IFT172: variants seen among roughly 807,000 people sequenced by gnomAD.
IFT172 encodes the protein intraflagellar transport protein 172 homolog.
In IFT172, 164 loss-of-function variants were observed where a neutral mutation model predicts 248.9. That is an observed-to-expected ratio of 0.66 (90% CI 0.58 to 0.75). IFT172 has a LOEUF of 0.75. Ranked by LOEUF, IFT172 falls within the 30% of genes least tolerant of loss-of-function variation. The pLI, the probability that IFT172 is intolerant of heterozygous loss-of-function variation, is 0.00. For synonymous variants in IFT172, 729 were observed against 791.6 expected, an observed-to-expected ratio of 0.92 and a Z score of 1.33; for missense variants, 1,950 against 2,192.4, an observed-to-expected ratio of 0.89 and a Z score of 2.21.
rs908434245 is a variant in IFT172, at chr2:27,477,262, G to A, written c.1280C>T (p.Thr427Ile). 6.2e-7 allele frequency: 1 copy of A among 1,614,172 alleles called. No individual in the cohort carries two copies. The highest frequency in any genetic ancestry group is 1.1e-5 in the South Asian group (1 of 91,086). ...LTLVEYGNNDTLGSVRTEFMN... is the reference protein window; with the variant it reads ...LTLVEYGNNDILGSVRTEFMN... Reference sequence around the variant, plus strand: ...GAATTCAGTGCGTACAGAACCCAGGGTGTCATTATTCCCATATTCCACCAG... The same window carrying A: ...GAATTCAGTGCGTACAGAACCCAGGATGTCATTATTCCCATATTCCACCAG... The change falls in exon 13 of 48, where the codon ACC becomes ATC. Residue 427 changes from threonine to isoleucine, a missense_variant. Thr to Ile is a moderately conservative substitution (Grantham distance 89, BLOSUM62 -1). Around this residue, in one of 3 missense-constraint regions of IFT172, gnomAD observed 1,166 missense variants for 1,254.1 expected, o/e 0.93. Transcript: ENST00000260570.
rs151097967 is a variant in IFT172 at position 27,485,397 on chromosome 2, C to T, written c.146G>A (p.Arg49Gln). 228 of 1,613,992 alleles carry T rather than the reference C, an allele frequency of 1.4e-4. No individual in the cohort carries two copies. Among genetic ancestry groups the T allele is most frequent in the Non-Finnish European group, 1.7e-4 (203 of 1,180,050 alleles). ...TGGTTTGGTGGAGAATTTATCTCTCCGTTCTCCATGTTCATCATACAGCAA... is the reference window on the plus strand; with the variant it reads ...TGGTTTGGTGGAGAATTTATCTCTCTGTTCTCCATGTTCATCATACAGCAA... ...VVLLYDEHGERRDKFSTKPAD... is the reference protein window; with the variant it reads ...VVLLYDEHGEQRDKFSTKPAD... The change falls in exon 2 of 48, where the codon CGG becomes CAG. Residue 49 changes from arginine (R) to glutamine (Q), a missense_variant. Physicochemically the swap from Arg to Gln is conservative, Grantham distance 43 (BLOSUM62 1). Coordinates refer to ENST00000260570, the MANE Select transcript of IFT172 (RefSeq NM_015662.3).
chr2:27,455,491 A>C (rs1380657660), intron 30 of IFT172: 1 of 197,836 alleles, frequency 5.1e-6, no homozygotes, highest in East Asian at 1.8e-4. Flanking sequence ...GGTGGATCAC[A>C]AGGTCAGAAG....
chr2:27,484,362 C>A, intron 3 of IFT172, 96 bp from the exon 4 acceptor site: 1 of 1,293,302 alleles, frequency 7.7e-7, no homozygotes, highest in Non-Finnish European at 1.1e-6. Context: ...GAGGCCGAGG[C>A]GGGAGGATCA....
intron 43 of IFT172, 88 bp downstream of exon 43, chr2:27,446,172 G>C (rs1665077322): frequency 7.1e-7 from 1 of 1,403,896 alleles, no homozygotes. Flanking sequence ...CCTACACTCA[G>C]CTTTCCTCTA....
At chr2:27,465,250 A>C (rs1453469951) in intron 18 of IFT172, 161 bp downstream of exon 18, 1 of 635,244 alleles carries the variant, frequency 1.6e-6, no homozygotes, top group African/African-American at 1.8e-5. Flanking sequence ...AGGATGGGAG[A>C]GTGTTTGGAA....
At chr2:27,475,792 A>G (rs371115186) in intron 14 of IFT172, among the ~76,000 whole-genome samples, 1 of 149,560 alleles carries the variant, frequency 6.7e-6, no homozygotes, top group East Asian at 1.9e-4. Context: ...TTTTTTTTAA[A>G]TTTAATTAAT....
intron 8 of IFT172, 41 bp from the exon 9 acceptor site, chr2:27,480,190 A>G (rs771433032): frequency 1.1e-5 from 18 of 1,587,264 alleles, no homozygotes; most frequent in Non-Finnish European, 1.5e-5. Context: ...ATTGAGGCTG[A>G]GCTAAAGAGT....
At chr2:27,453,222 A>G (rs781573930) in intron 35 of IFT172, 162 bp downstream of exon 35, 1 of 959,524 alleles carries the variant, frequency 1.0e-6, no homozygotes, top group Non-Finnish European at 1.7e-6. Flanking sequence ...TATAGCCTTC[A>G]GAGGTTCTGG....
intron 14 of IFT172, among the ~76,000 whole-genome samples, chr2:27,475,016 C>T (rs1345077968): frequency 1.3e-5 from 2 of 152,242 alleles, no homozygotes; most frequent in East Asian, 3.9e-4. Flanking sequence ...ATGCAAAGAA[C>T]TCCTTCAAAT....
rs1668676417 is a variant in IFT172 at position 27,485,278 on chromosome 2, T to C, written c.183+82A>G. 3.1e-6 allele frequency: 5 copies of C among 1,595,562 alleles called. No individual in the cohort carries two copies. In the African/African-American group the frequency reaches 4.0e-5, roughly 13 times the overall value. ...TGGGGTATGCCATTTCCTATGCTGA[T>C]GGCTAGAAGGCAGACTACGTCTTTC... is the stretch of plus-strand genomic sequence containing the variant. On this transcript the variant is annotated intron_variant, in intron 2 of 47. Transcript: ENST00000260570.
Position 27,454,715 on chromosome 2 carries a change from G to C in IFT172, c.3372-55C>G. ...TTGCTTCATGCTTCCCTTCATAAAA[G>C]GAACAAGACAAAACAGAGAAAGGAC... On this transcript the variant is annotated intron_variant, in intron 30 of 47. Transcript: ENST00000260570. This position sits in a 1 kb window ranked among gnomAD's most constrained non-coding sequence, Gnocchi z 4.2. 1 of 1,461,942 alleles carries C rather than the reference G, an allele frequency of 6.8e-7. No individual in the cohort carries two copies. Among genetic ancestry groups the C allele is most frequent in the East Asian group, 2.3e-5 (1 of 43,822 alleles). The allele number at this position is 1,461,942 out of a possible 1,614,324, so 90.6% of individuals were successfully genotyped here.
intron 23 of IFT172, among the ~76,000 whole-genome samples, chr2:27,460,267 A>C (rs1464423176): frequency 1.4e-5 from 2 of 139,266 alleles, no homozygotes; most frequent in African/African-American, 5.7e-5. Context: ...GGGACACAAA[A>C]ACTGCGGAAG....
In IFT172 at chr2:27,476,968, G is replaced by C. The variant is rs980513146; in HGVS notation, c.1326-242C>G. On this transcript the variant is annotated intron_variant, in intron 13 of 47. Transcript: ENST00000260570. ...CTTCCTGAGTAACTGGGACTACAGG[G>C]GTGTGCCACCATGCCTGGATAATTT... The C allele has an allele frequency of 8.5e-6, 5 of 591,306 alleles. No individual in the cohort carries two copies. The Admixed American group carries it at 1.6e-4, about 18-fold the overall frequency. The allele number at this position is 591,306 out of a possible 1,614,324, so 36.6% of individuals were successfully genotyped here. A position where few individuals can be genotyped will look rare whatever the true frequency, so the allele number is the denominator to read the frequency against.
intron 14 of IFT172, among the ~76,000 whole-genome samples, chr2:27,474,886 G>A (rs1213682515): frequency 6.6e-6 from 1 of 151,990 alleles, no homozygotes. Flanking sequence ...AAAAAAAATG[G>A]ACTATTTTAA....
chr2:27,448,196 T>C (rs1380829518), intron 40 of IFT172, among the ~76,000 whole-genome samples: 1 of 152,056 alleles, frequency 6.6e-6, no homozygotes, highest in Non-Finnish European at 1.5e-5. Context: ...GCCTCCCAGG[T>C]TCATGCCATT....
At chr2:27,471,280 T>TACGGC in intron 15 of IFT172, 185 bp from the exon 16 acceptor site, 1 of 528,460 alleles carries the variant, frequency 1.9e-6, no homozygotes, top group Non-Finnish European at 3.3e-6. Flanking sequence ...AAGTAAGAGA[T>TACGGC]GACCCATAGA....
intron 26 of IFT172, among the ~76,000 whole-genome samples, chr2:27,458,439 T>G (rs1666355034): frequency 6.6e-6 from 1 of 152,194 alleles, no homozygotes; most frequent in Admixed American, 6.5e-5. Context: ...ATGCCTTGGC[T>G]GGGGCATACA....
Position 27,454,808 on chromosome 2 carries a change from A to C in IFT172, c.3372-148T>G. On this transcript the variant is annotated intron_variant, in intron 30 of 47. Coordinates refer to ENST00000260570, the MANE Select transcript of IFT172 (RefSeq NM_015662.3). The surrounding 1 kb of genome is among the most constrained non-coding windows in gnomAD (Gnocchi z 4.2). ...TATGAAGTGACAGAAAAGCGTGGAG[A>C]GATAAAAAGGAAGACGGGCAGGCAG... is the stretch of plus-strand genomic sequence containing the variant. The C allele has an allele frequency of 2.8e-6, 2 of 706,914 alleles. No individual in the cohort carries two copies. Among genetic ancestry groups the C allele is most frequent in the South Asian group, 3.6e-5 (2 of 55,112 alleles). The allele number at this position is 706,914 out of a possible 1,614,324, so 43.8% of individuals were successfully genotyped here.
At chr2:27,487,794 A>G (rs894437811) in intron 1 of IFT172, among the ~76,000 whole-genome samples, 1 of 152,128 alleles carries the variant, frequency 6.6e-6, no homozygotes, top group Non-Finnish European at 1.5e-5. Context: ...CACGTTGGCC[A>G]GGATGGTGTC....
Sources: allele counts gnomAD v4.1 joint callset (sites outside exome capture counted in the v4.1 genomes callset), GRCh38; gene constraint gnomAD v4.1.1; regional missense constraint gnomAD v4.1.1; non-coding constraint Gnocchi (gnomAD v3.1); transcripts MANE v1.5; gene names NCBI Gene and HGNC (gene_info 2026-07-23, HGNC 2026-07-21).